Variants in NPAS3 observed in about 807,000 individuals in gnomAD.
NPAS3 encodes neuronal PAS domain-containing protein 3.
NPAS3 carries 14 observed loss-of-function variants against 73.1 expected under a neutral mutation model. That is an observed-to-expected ratio of 0.19 (90% confidence interval 0.13 to 0.30). The LOEUF (loss-of-function observed/expected upper bound fraction) is 0.30. NPAS3 is among the 10% of genes least tolerant of loss of function. The probability of loss-of-function intolerance (pLI) is 1.00; values close to 1 mark genes in which losing one functional copy is unlikely to be tolerated. For synonymous variants in NPAS3, 620 were observed against 541.5 expected (o/e 1.14, Z -2.01); for missense variants, 1,096 against 1,250.0 (o/e 0.88, Z 1.86).
chr14:33,465,121 T>C (rs1325203763), intron 4 of NPAS3, among the ~76,000 whole-genome samples: 4 of 152,210 alleles, frequency 2.6e-5, no homozygotes, highest in Admixed American at 2.6e-4. Flanking sequence ...AAATTATGTA[T>C]TTGTAGTATC....
rs2056260380 is a variant in NPAS3 at position 33,572,616 on chromosome 14, AG to A, written c.558+12408del. ...GACTCCAAAGCACTCATTGTTAACC[AG>A]GAACGCTAGTTACCTCTGGACGGTT... On this transcript the variant is annotated intron_variant, in intron 5 of 11. Coordinates refer to ENST00000356141, the Ensembl canonical transcript of NPAS3. Among the ~76,000 whole-genome samples the A allele has an allele frequency of 3.9e-5, 6 of 152,338 alleles. No individual in the cohort carries two copies. The South Asian group carries it at 1.2e-3, about 32-fold the overall frequency.
intron 1 of NPAS3, among the ~76,000 whole-genome samples, chr14:33,017,998 T>C (rs959289634): frequency 1.3e-5 from 2 of 152,076 alleles, no homozygotes; most frequent in Admixed American, 6.5e-5. Context: ...CATTGTCATG[T>C]CGTGGCTTTA....
chr14:33,197,237 CTGTGTGTG>C lies in NPAS3; in HGVS notation c.141-17921_141-17914del, dbSNP rs11268151. Among the ~76,000 whole-genome samples the C allele has an allele frequency of 1.7e-4, 23 of 135,302 alleles. No homozygotes were observed. In the East Asian group the frequency reaches 2.1e-3, roughly 13 times the overall value. The allele number at this position is 135,302 out of a possible 152,430, so 88.8% of individuals were successfully genotyped here. A position where few individuals can be genotyped will look rare whatever the true frequency, so the allele number is the denominator to read the frequency against. On this transcript the variant is annotated intron_variant, in intron 2 of 11. Coordinates refer to ENST00000356141, the Ensembl canonical transcript of NPAS3. Reference sequence around the variant, plus strand: ...CTGCTCTGGGATGCACTCCAGCAGGCTGTGTGTGTGTGTGTGTGTGTGTGTGTGTGTTC... The same window carrying C: ...CTGCTCTGGGATGCACTCCAGCAGGCTGTGTGTGTGTGTGTGTGTGTGTTC...
intron 3 of NPAS3, among the ~76,000 whole-genome samples, chr14:33,290,839 T>G (rs186425440): frequency 6.6e-6 from 1 of 152,340 alleles, no homozygotes; most frequent in East Asian, 1.9e-4. Context: ...CGGCAGCATC[T>G]GCATAATCCC....
chr14:33,531,270 G>A (rs566631202), intron 4 of NPAS3, among the ~76,000 whole-genome samples: 7 of 152,014 alleles, frequency 4.6e-5, no homozygotes, highest in African/African-American at 1.4e-4. Flanking sequence ...AAATTTTAAC[G>A]TGTTTAAATT....
chr14:32,936,549 G>A (rs976297906), upstream of NPAS3, among the ~76,000 whole-genome samples: 1 of 151,902 alleles, frequency 6.6e-6, no homozygotes, highest in Non-Finnish European at 1.5e-5. Flanking sequence ...AGTATCTGGC[G>A]GTCACTTTAA....
chr14:33,253,503 A>G (rs577093075), intron 3 of NPAS3, among the ~76,000 whole-genome samples: 1 of 152,190 alleles, frequency 6.6e-6, no homozygotes, highest in African/African-American at 2.4e-5. Context: ...ATGGTAATCA[A>G]GCTTCCTGGG....
At chr14:33,036,507 G>T (rs2138381568) in intron 1 of NPAS3, among the ~76,000 whole-genome samples, 1 of 152,168 alleles carries the variant, frequency 6.6e-6, no homozygotes, top group South Asian at 2.1e-4. Context: ...AGTACAGAAA[G>T]CAAAATTCCT....
chr14:33,264,176 A>G (rs1297514738), intron 3 of NPAS3, among the ~76,000 whole-genome samples: 1 of 152,176 alleles, frequency 6.6e-6, no homozygotes, highest in Non-Finnish European at 1.5e-5. Context: ...GCAAGGACAA[A>G]AAACCAAACA....
At chr14:33,801,089 C>G in exon 12 of NPAS3, 1 of 1,589,560 alleles carries the variant, frequency 6.3e-7, no homozygotes, top group Non-Finnish European at 8.6e-7. Context: ...GGCACAGACT[C>G]TGGAGCGCAA....
At chr14:33,076,677 A>G (rs1441103656) in intron 2 of NPAS3, among the ~76,000 whole-genome samples, 4 of 152,204 alleles carry the variant, frequency 2.6e-5, no homozygotes, top group African/African-American at 9.7e-5. Flanking sequence ...TTGTTTTAAC[A>G]AGATATCCTT....
chr14:33,269,536 AG>A (rs1281116363), intron 3 of NPAS3, among the ~76,000 whole-genome samples: 1 of 152,170 alleles, frequency 6.6e-6, no homozygotes, highest in Non-Finnish European at 1.5e-5. Flanking sequence ...CTTGACTTTG[AG>A]GGGTTAATAA....
At chr14:33,755,947 A>T (rs1247593190) in intron 7 of NPAS3, among the ~76,000 whole-genome samples, 13 of 152,084 alleles carry the variant, frequency 8.5e-5, no homozygotes. Context: ...CCTGGGATCT[A>T]ACAGAGTGAG....
chr14:33,697,992 G>C (rs942118289), intron 6 of NPAS3, among the ~76,000 whole-genome samples: 1 of 152,206 alleles, frequency 6.6e-6, no homozygotes, highest in African/African-American at 2.4e-5. Flanking sequence ...TTTGAGAAGA[G>C]TATCTTCTTT....
At chr14:33,163,053 CTT>C (rs2044967446) in intron 2 of NPAS3, among the ~76,000 whole-genome samples, 1 of 152,204 alleles carries the variant, frequency 6.6e-6, no homozygotes, top group Admixed American at 6.5e-5. Context: ...TCACCGACCA[CTT>C]TCACTTTTTC....
At chr14:33,366,464 G>A (rs2045849919) in intron 3 of NPAS3, among the ~76,000 whole-genome samples, 1 of 152,138 alleles carries the variant, frequency 6.6e-6, no homozygotes, top group African/African-American at 2.4e-5. Context: ...AGCGTGCCTG[G>A]AAGAGGACCG....
At chr14:33,147,754 T>TATATATATATATATATATATATAC (rs368950295) in intron 2 of NPAS3, among the ~76,000 whole-genome samples, 6 of 142,434 alleles carry the variant, frequency 4.2e-5, no homozygotes, top group African/African-American at 1.6e-4. Context: ...TATATATATA[T>TATATATATATATATATATATATAC]ACACACAAAA....
chr14:33,702,351 T>C (rs1187241986), intron 6 of NPAS3, among the ~76,000 whole-genome samples: 1 of 152,214 alleles, frequency 6.6e-6, no homozygotes, highest in Non-Finnish European at 1.5e-5. Context: ...TTTCAGTCAT[T>C]TTCAGTGCTT....
chr14:33,134,645 A>G (rs1013318497), intron 2 of NPAS3, among the ~76,000 whole-genome samples: 1 of 152,118 alleles, frequency 6.6e-6, no homozygotes, highest in East Asian at 1.9e-4. Flanking sequence ...AGGTGGCTTC[A>G]TGTAAGAGTA....
Sources: gnomAD v4.1 joint callset for allele counts (sites outside exome capture counted in the v4.1 genomes callset) on GRCh38, gnomAD v4.1.1 for gene constraint, MANE v1.5 for transcripts, NCBI Gene and HGNC (gene_info 2026-07-23, HGNC 2026-07-21) for gene names.